Variants in CHSY3 observed in about 807,000 individuals in gnomAD.
CHSY3 encodes the protein chondroitin sulfate synthase 3, also known as N-acetylgalactosaminyl-proteoglycan 3-beta-glucuronosyltransferase 3.
In CHSY3, 35 loss-of-function variants were observed where a neutral mutation model predicts 67.2. That is an observed-to-expected ratio of 0.52 (90% CI 0.40 to 0.69). The LOEUF (loss-of-function observed/expected upper bound fraction) is 0.69. Among genes scored for constraint, CHSY3 ranks in the 30% least tolerant of loss-of-function variants. CHSY3 has a pLI of 0.00. For missense variants in CHSY3, 1,069 were observed against 1,138.5 expected, an observed-to-expected ratio of 0.94 and a Z score of 0.88; for synonymous variants, 474 against 434.7, an observed-to-expected ratio of 1.09 and a Z score of -1.12.
chr5:129,929,148 G>A (rs1761214654), intron 2 of CHSY3, among the ~76,000 whole-genome samples: 1 of 152,124 alleles, frequency 6.6e-6, no homozygotes. Context: ...AGGTGACAAA[G>A]GTCAGACAGT....
chr5:129,973,516 A>G (rs554459564), intron 2 of CHSY3, among the ~76,000 whole-genome samples: 95 of 152,256 alleles, frequency 6.2e-4, no homozygotes, highest in African/African-American at 2.2e-3. Context: ...AATTAAGTGC[A>G]ATTCAGTTTC....
intron 2 of CHSY3, among the ~76,000 whole-genome samples, chr5:130,020,235 T>C (rs1465989332): frequency 6.6e-6 from 1 of 151,380 alleles, no homozygotes; most frequent in African/African-American, 2.4e-5. Flanking sequence ...CTGGACAACA[T>C]GGTGAAACCC....
intron 2 of CHSY3, among the ~76,000 whole-genome samples, chr5:130,146,856 C>T (rs563805459): frequency 5.3e-4 from 81 of 152,156 alleles, no homozygotes; most frequent in East Asian, 2.7e-3. Flanking sequence ...TGCAATGGCG[C>T]GATCTTGGCT....
chr5:130,008,097 C>A lies in CHSY3; in HGVS notation c.1086+99737C>A, dbSNP rs116901347. Among the ~76,000 whole-genome samples the A allele has an allele frequency of 4.8e-3, 737 of 152,320 alleles. 5 individuals are homozygous for A. Among genetic ancestry groups the A allele is most frequent in the South Asian group, 0.027 (132 of 4,828 alleles). ...CCACCAGTTTGCCAGCATTTGCAGA[C>A]CCTGCTGCTGTACCCCCACTGGAGC... On this transcript the variant is annotated intron_variant, in intron 2 of 2. Transcript: ENST00000305031.
rs150591532 is a variant in CHSY3, at chr5:129,945,075, T to A, written c.1086+36715T>A. ...AATTTATCTATGCAAATTAACTGGATTGGGAATTAAAATGAGCCTGTTTGT... is the reference window on the plus strand; with the variant it reads ...AATTTATCTATGCAAATTAACTGGAATGGGAATTAAAATGAGCCTGTTTGT... On this transcript the variant is annotated intron_variant, in intron 2 of 2. Coordinates refer to ENST00000305031, the MANE Select transcript of CHSY3 (RefSeq NM_175856.5). Among the ~76,000 whole-genome samples the A allele has an allele frequency of 2.0e-5, 3 of 152,358 alleles. No homozygotes were observed. The East Asian group carries it at 5.8e-4, about 29-fold the overall frequency.
chr5:130,129,104 C>T (rs1393488013), intron 2 of CHSY3, among the ~76,000 whole-genome samples: 1 of 151,992 alleles, frequency 6.6e-6, no homozygotes, highest in Non-Finnish European at 1.5e-5. Context: ...GCCAAGTTTC[C>T]TCAAGATAAT....
intron 2 of CHSY3, among the ~76,000 whole-genome samples, chr5:130,002,878 C>CCA (rs1353067877): frequency 3.9e-5 from 6 of 152,052 alleles, no homozygotes; most frequent in Non-Finnish European, 5.9e-5. Context: ...AATCACATAG[C>CCA]CACACTTCTA....
chr5:130,151,384 A>C (rs1769227376), intron 2 of CHSY3, among the ~76,000 whole-genome samples: 1 of 152,238 alleles, frequency 6.6e-6, no homozygotes, highest in African/African-American at 2.4e-5. Context: ...TAGAAGATCC[A>C]ATGAACAGCA....
At chr5:130,090,090 C>T (rs1039791601) in intron 2 of CHSY3, among the ~76,000 whole-genome samples, 1 of 152,130 alleles carries the variant, frequency 6.6e-6, no homozygotes, top group Non-Finnish European at 1.5e-5. Flanking sequence ...GGTACTAATA[C>T]CAAAACTTCA....
intron 2 of CHSY3, among the ~76,000 whole-genome samples, chr5:130,057,181 C>T (rs1307975527): frequency 6.6e-6 from 1 of 151,892 alleles, no homozygotes; most frequent in Non-Finnish European, 1.5e-5. Context: ...ACCTCAGCCT[C>T]CCAAAGTGCT....
chr5:129,904,219 G>T (rs372267671), upstream of CHSY3, among the ~76,000 whole-genome samples: 10 of 151,982 alleles, frequency 6.6e-5, no homozygotes, highest in Non-Finnish European at 1.5e-4. Context: ...GCTGCAAGCC[G>T]GAGGCGGCCC....
At chr5:129,943,648 A>C (rs1026163613) in intron 2 of CHSY3, among the ~76,000 whole-genome samples, 11 of 152,192 alleles carry the variant, frequency 7.2e-5, no homozygotes, top group African/African-American at 2.7e-4. Context: ...ATAAAATTTC[A>C]TGAAGGGTAG....
intron 2 of CHSY3, among the ~76,000 whole-genome samples, chr5:130,157,730 G>A (rs1039811796): frequency 1.1e-4 from 7 of 66,022 alleles, no homozygotes; most frequent in Non-Finnish European, 2.2e-4. Flanking sequence ...TAAAGTGAAA[G>A]CAAGTTTATT....
intron 2 of CHSY3, among the ~76,000 whole-genome samples, chr5:130,092,773 C>T (rs1561533492): frequency 1.3e-5 from 2 of 152,156 alleles, no homozygotes; most frequent in South Asian, 2.1e-4. Flanking sequence ...AGATCAGTCT[C>T]ATATCCATCT....
intron 2 of CHSY3, among the ~76,000 whole-genome samples, chr5:129,946,534 T>C (rs1342733211): frequency 6.6e-6 from 1 of 152,196 alleles, no homozygotes; most frequent in Non-Finnish European, 1.5e-5. Flanking sequence ...ATAGTTACTA[T>C]GCTATACATT....
At chr5:130,112,980 T>C (rs1169280563) in intron 2 of CHSY3, among the ~76,000 whole-genome samples, 1 of 152,152 alleles carries the variant, frequency 6.6e-6, no homozygotes, top group Non-Finnish European at 1.5e-5. Context: ...TTGTAGCTTA[T>C]ATTTAAAAGC....
chr5:130,044,144 T>G (rs1765080240), intron 2 of CHSY3, among the ~76,000 whole-genome samples: 1 of 152,102 alleles, frequency 6.6e-6, no homozygotes, highest in Non-Finnish European at 1.5e-5. Context: ...AGAAGGAATC[T>G]ACTGAAAAAT....
chr5:129,996,490 T>C (rs971659300), intron 2 of CHSY3, among the ~76,000 whole-genome samples: 2 of 152,186 alleles, frequency 1.3e-5, no homozygotes, highest in Non-Finnish European at 2.9e-5. Context: ...TTTAATATGT[T>C]GTAGGACTTA....
intron 2 of CHSY3, among the ~76,000 whole-genome samples, chr5:130,102,505 T>C (rs979410028): frequency 1.3e-5 from 2 of 151,856 alleles, no homozygotes; most frequent in African/African-American, 4.8e-5. Flanking sequence ...AAAAAATGAC[T>C]AGTGAGCAAT....
Sources: gnomAD v4.1 joint callset for allele counts (sites outside exome capture counted in the v4.1 genomes callset) on GRCh38, gnomAD v4.1.1 for gene constraint, MANE v1.5 for transcripts, NCBI Gene and HGNC (gene_info 2026-07-23, HGNC 2026-07-21) for gene names.